Variants in FAM234A observed in about 807,000 individuals in gnomAD.
FAM234A encodes protein FAM234A.
Under a neutral mutation model 49.1 loss-of-function variants are expected in FAM234A, and 42 were observed. The ratio of observed to expected loss-of-function variants is 0.86; its 90% CI spans 0.67 to 1.11. FAM234A has a LOEUF of 1.11. Among genes scored for constraint, FAM234A ranks in the 50% least tolerant of loss-of-function variants. FAM234A has a pLI of 0.00. For missense variants in FAM234A, 815 were observed against 745.2 expected, an observed-to-expected ratio of 1.09 and a Z score of -1.09; for synonymous variants, 369 against 316.2, an observed-to-expected ratio of 1.17 and a Z score of -1.77.
rs949365749 is a variant in FAM234A, at chr16:264,935, G to C, written c.1572G>C (p.Arg524Ser). 3.1e-6 allele frequency: 5 copies of C among 1,612,930 alleles called. No individual in the cohort carries two copies. In the African/African-American group the frequency reaches 4.0e-5, roughly 13 times the overall value. Residue 524 changes from arginine to serine, a missense_variant, in exon 13 of 13, where the codon AGG becomes AGC. Arg to Ser is a moderately radical substitution (Grantham distance 110). Coordinates refer to ENST00000399932, the MANE Select transcript of FAM234A (RefSeq NM_032039.4). ...TGCGGGACCTTGTCCCAAGCAGCAGGGTGGTCCGCCTGGGTGAGGGTGGGC... is the reference window on the plus strand; with the variant it reads ...TGCGGGACCTTGTCCCAAGCAGCAGCGTGGTCCGCCTGGGTGAGGGTGGGC... Reference protein sequence around the residue: ...HKVRDLVPSSRVVRLGEGGPD... With the variant: ...HKVRDLVPSSSVVRLGEGGPD...
At chr16:243,450 G>A (rs963717517) in intron 1 of FAM234A, among the ~76,000 whole-genome samples, 2 of 152,162 alleles carry the variant, frequency 1.3e-5, no homozygotes, top group Non-Finnish European at 2.9e-5. Flanking sequence ...CTGCCAGTCA[G>A]GTTCCTGAAG....
At chr16:244,039 G>A (rs2050708317) in intron 1 of FAM234A, among the ~76,000 whole-genome samples, 2 of 151,884 alleles carry the variant, frequency 1.3e-5, no homozygotes, top group Non-Finnish European at 1.5e-5. Flanking sequence ...TGCCATCTCG[G>A]CTCACTGCAA....
chr16:236,035 C>T (rs2050388364), intron 1 of FAM234A, among the ~76,000 whole-genome samples: 1 of 151,954 alleles, frequency 6.6e-6, no homozygotes, highest in Non-Finnish European at 1.5e-5. Context: ...TGCCGGTAAT[C>T]CCAGTTACTC....
At position 266,029 on chromosome 16, in the gene FAM234A, C is replaced by G; in HGVS notation, c.*1007C>G. ...GGTCACAGAGCCTGAGCTTCGTAGCCAAAGCAGCCTGATGACCCACCCACC... is the reference window on the plus strand; with the variant it reads ...GGTCACAGAGCCTGAGCTTCGTAGCGAAAGCAGCCTGATGACCCACCCACC... On this transcript the variant is annotated 3_prime_UTR_variant, in exon 13 of 13. Coordinates refer to ENST00000399932, the MANE Select transcript of FAM234A (RefSeq NM_032039.4). 9.1e-6 allele frequency: 9 copies of G among 986,028 alleles called. No individual in the cohort carries two copies. Among genetic ancestry groups the G allele is most frequent in the Non-Finnish European group, 1.1e-5 (9 of 830,078 alleles). 61.1% of individuals were successfully genotyped at this position (986,028 alleles called of 1,614,324 possible). A position where few individuals can be genotyped will look rare whatever the true frequency, so the allele number is the denominator to read the frequency against.
Position 259,491 on chromosome 16 carries a change from G to A in FAM234A, c.277G>A (p.Asp93Asn). ...GTGGTTTTCTCTTTCAGTTATCTATGACTTTCTGGCTGTGGATGATATAAA... is the reference window on the plus strand; with the variant it reads ...GTGGTTTTCTCTTTCAGTTATCTATAACTTTCTGGCTGTGGATGATATAAA... The part of the protein sequence containing the change: ...RIDYSAAVIY[D>N]FLAVDDINGD... Residue 93 changes from aspartate (D) to asparagine (N), a missense_variant, in exon 4 of 13, where the codon GAC (aspartate) becomes AAC (asparagine). Coordinates refer to ENST00000399932, the MANE Select transcript of FAM234A (RefSeq NM_032039.4). 1 of 1,592,520 alleles carries A rather than the reference G, an allele frequency of 6.3e-7. No homozygotes were observed. Among genetic ancestry groups the A allele is most frequent in the Non-Finnish European group, 8.6e-7 (1 of 1,160,874 alleles).
At chr16:255,495 A>C (rs1245050280) in intron 3 of FAM234A, among the ~76,000 whole-genome samples, 1 of 152,066 alleles carries the variant, frequency 6.6e-6, no homozygotes, top group African/African-American at 2.4e-5. Context: ...TATCATTTAC[A>C]CCTGGAAGGT....
intron 2 of FAM234A, among the ~76,000 whole-genome samples, chr16:251,384 G>GTT (rs984445680): frequency 4.6e-5 from 7 of 150,850 alleles, no homozygotes; most frequent in Non-Finnish European, 1.0e-4. Context: ...TTTTTGTTTT[G>GTT]TTTTTTTTGA....
chr16:246,356 G>A (rs1188606607), intron 1 of FAM234A, among the ~76,000 whole-genome samples: 3 of 138,734 alleles, frequency 2.2e-5, no homozygotes, highest in South Asian at 5.0e-4. Context: ...TCGGCTCACC[G>A]CAACCTCTGC....
In FAM234A at chr16:264,718, T is replaced by C. The variant is rs760392484; in HGVS notation, c.1447+2T>C. ...CTACCCACATTGTCGCCTTTGACGGTGAGTGTGGCCTCGGCCAGGGACCCG... is the reference window on the plus strand; with the variant it reads ...CTACCCACATTGTCGCCTTTGACGGCGAGTGTGGCCTCGGCCAGGGACCCG... On this transcript the variant is annotated splice_donor_variant, in intron 12 of 12. Transcript: ENST00000399932. LOFTEE classifies it high-confidence loss of function. 1.9e-6 allele frequency: 3 copies of C among 1,610,858 alleles called. No individual in the cohort carries two copies. Among genetic ancestry groups the C allele is most frequent in the Non-Finnish European group, 2.5e-6 (3 of 1,179,494 alleles).
At chr16:258,732 C>T (rs574141512) in intron 3 of FAM234A, among the ~76,000 whole-genome samples, 3 of 152,268 alleles carry the variant, frequency 2.0e-5, no homozygotes, top group South Asian at 2.1e-4. Flanking sequence ...TAGGGGTGGC[C>T]GGGCAGAGGC....
rs376116131 is a variant in FAM234A at position 264,120 on chromosome 16, C to T, written c.1293C>T (p.Arg431=). 5.9e-5 allele frequency: 95 copies of T among 1,610,652 alleles called. No homozygotes were observed. The highest frequency in any genetic ancestry group is 7.6e-5 in the Non-Finnish European group (90 of 1,179,844). The change falls in exon 11 of 13, where the codon CGC becomes CGT. Residue 431 remains arginine, a synonymous_variant. Transcript: ENST00000399932. ...LSASLPTADH[R]SAFFFWGLHE... is the part of the protein sequence containing the mutation. ...CCAGCCTGCCGACCGCAGACCACCG[C>T]TCAGCCTTCTTCTTCTGGGGCCTCC...
chr16:260,383 T>TA (rs1382053279), intron 5 of FAM234A: 1 of 591,452 alleles, frequency 1.7e-6, no homozygotes, highest in Non-Finnish European at 3.1e-6. Context: ...TACCTCCCGT[T>TA]ACACCTTGCT....
Position 265,445 on chromosome 16 carries a change from C to T in FAM234A, c.*423C>T. On this transcript the variant is annotated 3_prime_UTR_variant, in exon 13 of 13. Coordinates refer to ENST00000399932, the MANE Select transcript of FAM234A (RefSeq NM_032039.4). ...AGAACCAGGGTGTCCCCGGGACAGG[C>T]CGTCCCCCACCCCATCCTGTAGAAG... 1 of 996,770 alleles carries T rather than the reference C, an allele frequency of 1.0e-6. No homozygotes were observed. Among genetic ancestry groups the T allele is most frequent in the Non-Finnish European group, 1.2e-6 (1 of 837,850 alleles). The allele number at this position is 996,770 out of a possible 1,614,324, so 61.7% of individuals were successfully genotyped here.
chr16:258,708 TC>T, intron 3 of FAM234A, among the ~76,000 whole-genome samples: 1 of 152,240 alleles, frequency 6.6e-6, no homozygotes, highest in Non-Finnish European at 1.5e-5. Context: ...GCAGAGGGGC[TC>T]CTCACTTCCC....
At position 262,140 on chromosome 16, in the gene FAM234A, C is replaced by G. The variant is rs878991401; in HGVS notation, c.756C>G (p.Leu252=). ...GCAGCACCGGGCACCAGATTGGCCTCAGAGGCAGCCTTGGTGTGGACGGGG... is the reference window on the plus strand; with the variant it reads ...GCAGCACCGGGCACCAGATTGGCCTGAGAGGCAGCCTTGGTGTGGACGGGG... The part of the protein sequence containing the change: ...YSGSTGHQIG[L]RGSLGVDGES... The change falls in exon 7 of 13, where the codon CTC becomes CTG. Residue 252 remains leucine (L), a synonymous_variant. Transcript: ENST00000399932. 7 of 1,614,098 alleles carry G rather than the reference C, an allele frequency of 4.3e-6. No homozygotes were observed. In the South Asian group the frequency reaches 6.6e-5, roughly 15 times the overall value.
At chr16:267,205 C>T (rs1035882563), downstream of FAM234A, among the ~76,000 whole-genome samples, 1 of 152,108 alleles carries the variant, frequency 6.6e-6, no homozygotes, top group Non-Finnish European at 1.5e-5. Flanking sequence ...AACTGCCCCT[C>T]CCCAGAGGCT....
intron 7 of FAM234A, 84 bp from the exon 8 acceptor site, chr16:262,340 C>A: frequency 6.4e-7 from 1 of 1,562,292 alleles, no homozygotes; most frequent in Middle Eastern, 1.7e-4. Flanking sequence ...GCCCAGGGGC[C>A]TGGCTCCATG....
downstream of FAM234A, chr16:269,674 GCCTC>G: frequency 2.0e-6 from 2 of 1,014,736 alleles, no homozygotes; most frequent in African/African-American, 1.6e-5. Flanking sequence ...CATTGCTGGA[GCCTC>G]CTCCAGCCAC....
chr16:246,355 C>T lies in FAM234A; in HGVS notation c.-139-3194C>T, dbSNP rs540838778. ...GCACAGTGGTGCAGTCTCGGCTCAC[C>T]GCAACCTCTGCCTCCTGGGTTCAAG... On this transcript the variant is annotated intron_variant, in intron 1 of 12. Coordinates refer to ENST00000399932, the MANE Select transcript of FAM234A (RefSeq NM_032039.4). 2.0e-3 allele frequency among the ~76,000 whole-genome samples: 296 copies of T among 145,390 alleles called. 1 individual carries two copies. Among genetic ancestry groups the T allele is most frequent in the Middle Eastern group, 7.3e-3 (2 of 274 alleles).
Sources: gnomAD v4.1 joint callset for allele counts (sites outside exome capture counted in the v4.1 genomes callset) on GRCh38, gnomAD v4.1.1 for gene constraint, MANE v1.5 for transcripts, NCBI Gene and HGNC (gene_info 2026-07-23, HGNC 2026-07-21) for gene names.